The following MYLK variants were observed in gnomAD, a reference collection of about 807,000 sequenced individuals.
The protein encoded by MYLK is myosin light chain kinase, smooth muscle.
MYLK carries 106 observed loss-of-function variants against 203.4 expected under a neutral mutation model. The observed-to-expected ratio is 0.52, with a 90% confidence interval of 0.45 to 0.61. The LOEUF (loss-of-function observed/expected upper bound fraction) is 0.61, where lower values mean the gene tolerates loss of function less well. MYLK is among the 20% of genes least tolerant of loss of function. The pLI, the probability that MYLK is intolerant of heterozygous loss-of-function variation, is 0.00. For synonymous variants in MYLK, 867 were observed against 959.5 expected (o/e 0.90, Z 1.78); for missense variants, 2,072 against 2,442.3 (o/e 0.85, Z 3.20).
At chr3:123,627,279 G>A (rs561611872) in intron 30 of MYLK, among the ~76,000 whole-genome samples, 12 of 152,300 alleles carry the variant, frequency 7.9e-5, no homozygotes, top group African/African-American at 1.7e-4. Flanking sequence ...CCAGGGTGGC[G>A]TCATTCTGCT....
At chr3:123,869,025 C>T (rs193253515) in intron 2 of MYLK, among the ~76,000 whole-genome samples, 8 of 152,228 alleles carry the variant, frequency 5.3e-5, no homozygotes, top group Admixed American at 3.9e-4. Flanking sequence ...TGATCCTTAA[C>T]AAGTTTTATG....
chr3:123,817,255 C>T (rs976933884), intron 3 of MYLK, among the ~76,000 whole-genome samples: 1 of 152,108 alleles, frequency 6.6e-6, no homozygotes, highest in Admixed American at 6.5e-5. Flanking sequence ...TCTTTAAAAC[C>T]CTTTGATGAA....
chr3:123,828,427 C>T (rs889210753), intron 3 of MYLK, among the ~76,000 whole-genome samples: 1 of 151,972 alleles, frequency 6.6e-6, no homozygotes, highest in African/African-American at 2.4e-5. Context: ...CTAGACCCCC[C>T]ACCGCTCATC....
intron 3 of MYLK, among the ~76,000 whole-genome samples, chr3:123,830,745 T>C (rs2066296809): frequency 1.3e-5 from 2 of 152,032 alleles, no homozygotes; most frequent in Admixed American, 1.3e-4. Flanking sequence ...AGTACTGTAG[T>C]AGTTAGACCC....
intron 20 of MYLK, among the ~76,000 whole-genome samples, chr3:123,676,168 G>A (rs1055715039): frequency 9.9e-5 from 15 of 152,254 alleles, no homozygotes; most frequent in Non-Finnish European, 2.2e-4. Context: ...CACTGGGTGA[G>A]TTGGGAGGAG....
At chr3:123,729,438 T>A (rs576382075) in intron 11 of MYLK, among the ~76,000 whole-genome samples, 1 of 152,288 alleles carries the variant, frequency 6.6e-6, no homozygotes, top group South Asian at 2.1e-4. Context: ...CATAAAGAAC[T>A]CTTGCAACTC....
chr3:123,762,835 G>A (rs57878836), intron 4 of MYLK, among the ~76,000 whole-genome samples: 6,448 of 152,256 alleles, frequency 0.042, 473 homozygotes, highest in African/African-American at 0.15. Context: ...CCCTCACCAA[G>A]TGGTGCATTG....
At position 123,775,133 on chromosome 3, in the gene MYLK, C is replaced by T. The variant is rs1261404575; in HGVS notation, c.165+18544G>A. Among the ~76,000 whole-genome samples, 13 of 152,126 alleles carry T rather than the reference C, an allele frequency of 8.5e-5. No homozygotes were observed. The East Asian group carries it at 2.1e-3, about 25-fold the overall frequency. On this transcript the variant is annotated intron_variant, in intron 4 of 33. Transcript: ENST00000360304. Reference sequence around the variant, plus strand: ...TGAACTCCCGGGCTCAAGTGATCCTCCCACCTTAGCCTCTCAGTAGCTGGG... The same window carrying T: ...TGAACTCCCGGGCTCAAGTGATCCTTCCACCTTAGCCTCTCAGTAGCTGGG...
intron 20 of MYLK, among the ~76,000 whole-genome samples, chr3:123,678,482 C>T (rs1014845445): frequency 4.6e-5 from 7 of 151,972 alleles, no homozygotes; most frequent in Non-Finnish European, 8.8e-5. Flanking sequence ...GGTGGATGCC[C>T]TTGGCTTTTC....
At chr3:123,752,880 C>T (rs895774397) in intron 4 of MYLK, among the ~76,000 whole-genome samples, 2 of 152,190 alleles carry the variant, frequency 1.3e-5, no homozygotes, top group African/African-American at 4.8e-5. Context: ...CCCAGGGGGC[C>T]AGGACTGAGT....
At chr3:123,729,188 C>G (rs150774172) in intron 11 of MYLK, among the ~76,000 whole-genome samples, 143 of 152,222 alleles carry the variant, frequency 9.4e-4, no homozygotes, top group Middle Eastern at 3.4e-3. Flanking sequence ...TAAAGCAGAG[C>G]TGTAAACTGC....
chr3:123,845,223 T>C (rs2066685689), intron 2 of MYLK, among the ~76,000 whole-genome samples: 1 of 152,104 alleles, frequency 6.6e-6, no homozygotes, highest in Non-Finnish European at 1.5e-5. Flanking sequence ...TAGGGTCCAT[T>C]CCAACTCTAA....
At chr3:123,721,583 G>T (rs3907062) in intron 13 of MYLK, among the ~76,000 whole-genome samples, 1 of 151,984 alleles carries the variant, frequency 6.6e-6, no homozygotes, top group East Asian at 1.9e-4. Context: ...GTGAGTAGAA[G>T]GGGGGCAGAA....
At chr3:123,835,360 G>C (rs1259949005) in intron 2 of MYLK, among the ~76,000 whole-genome samples, 2 of 152,108 alleles carry the variant, frequency 1.3e-5, no homozygotes, top group Non-Finnish European at 2.9e-5. Context: ...TCATCCCTGT[G>C]TAGAGTTTCT....
At chr3:123,845,427 G>A (rs77149972) in intron 2 of MYLK, among the ~76,000 whole-genome samples, 16,714 of 152,114 alleles carry the variant, frequency 0.11, 2,092 homozygotes, top group East Asian at 0.44. Flanking sequence ...TCCACCTCAG[G>A]GACAGAGTTC....
At chr3:123,717,339 T>C (rs2061931898) in intron 13 of MYLK, among the ~76,000 whole-genome samples, 1 of 152,262 alleles carries the variant, frequency 6.6e-6, no homozygotes, top group South Asian at 2.1e-4. Context: ...TGATGCCTGT[T>C]GTCTTCATTA....
intron 13 of MYLK, among the ~76,000 whole-genome samples, chr3:123,712,895 A>G (rs893321612): frequency 1.2e-4 from 19 of 152,248 alleles, no homozygotes; most frequent in African/African-American, 4.3e-4. Flanking sequence ...ACTCACATCT[A>G]TCCACTTGGG....
intron 12 of MYLK, among the ~76,000 whole-genome samples, chr3:123,723,400 G>A (rs531770947): frequency 2.0e-5 from 3 of 152,320 alleles, no homozygotes; most frequent in African/African-American, 7.2e-5. Flanking sequence ...GGAAAGGCAG[G>A]GGCCTGGATC....
intron 4 of MYLK, among the ~76,000 whole-genome samples, chr3:123,772,730 G>T (rs1426864991): frequency 1.3e-5 from 2 of 152,060 alleles, no homozygotes; most frequent in East Asian, 1.9e-4. Flanking sequence ...ACATGAACAA[G>T]AAGTTTCTGA....
Sources: gnomAD v4.1 joint callset for allele counts (sites outside exome capture counted in the v4.1 genomes callset) on GRCh38, gnomAD v4.1.1 for gene constraint, MANE v1.5 for transcripts, NCBI Gene and HGNC (gene_info 2026-07-23, HGNC 2026-07-21) for gene names.